The following ABTB2 variants were observed in gnomAD, a reference collection of about 807,000 sequenced individuals.
The protein encoded by ABTB2 is ankyrin repeat and BTB domain containing 2, also known as ankyrin repeat and BTB/POZ domain-containing protein 2.
ABTB2 carries 56 observed loss-of-function variants against 104.1 expected under a neutral mutation model. The ratio of observed to expected loss-of-function variants is 0.54; its 90% CI spans 0.43 to 0.67. The LOEUF is 0.67. Among genes scored for constraint, ABTB2 ranks in the 30% least tolerant of loss-of-function variants. ABTB2 has a pLI of 0.00. For synonymous variants in ABTB2, 606 were observed against 608.2 expected (o/e 1.00, Z 0.05); for missense variants, 1,279 against 1,407.7 (o/e 0.91, Z 1.46).
intron 8 of ABTB2, 25 bp from the exon 9 acceptor site, chr11:34,164,846 G>A: frequency 6.3e-7 from 1 of 1,581,114 alleles, no homozygotes; most frequent in Non-Finnish European, 8.5e-7. Flanking sequence ...GGGCAGCACG[G>A]AGGACACTGA....
chr11:34,315,106 C>G (rs767658838), intron 1 of ABTB2, among the ~76,000 whole-genome samples: 1 of 152,244 alleles, frequency 6.6e-6, no homozygotes, highest in Non-Finnish European at 1.5e-5. Context: ...GGCCTGCACT[C>G]GCGCGAGCCT....
intron 1 of ABTB2, among the ~76,000 whole-genome samples, chr11:34,268,417 G>C (rs1215440913): frequency 6.6e-6 from 1 of 152,242 alleles, no homozygotes; most frequent in Non-Finnish European, 1.5e-5. Flanking sequence ...CAGGACGGCT[G>C]ACATTTCCCA....
intron 1 of ABTB2, among the ~76,000 whole-genome samples, chr11:34,239,360 T>G (rs1853885934): frequency 6.6e-6 from 1 of 152,108 alleles, no homozygotes; most frequent in Non-Finnish European, 1.5e-5. Context: ...TATTTTTTTT[T>G]GGAGACAGGG....
intron 1 of ABTB2, among the ~76,000 whole-genome samples, chr11:34,250,317 T>G (rs1444048397): frequency 6.6e-6 from 1 of 152,178 alleles, no homozygotes; most frequent in Non-Finnish European, 1.5e-5. Flanking sequence ...AGTCCTCTAG[T>G]ACAACCAGAC....
chr11:34,302,738 C>T lies in ABTB2; in HGVS notation c.883+53963G>A, dbSNP rs536618472. On this transcript the variant is annotated intron_variant, in intron 1 of 16. Coordinates refer to ENST00000435224, the MANE Select transcript of ABTB2 (RefSeq NM_145804.3). ...CCTCACTCCCTCCAGACCACAACCT[C>T]TTTAGCGCTTGCGAGGGGTAGTAGG... is the stretch of plus-strand genomic sequence containing the variant. Among the ~76,000 whole-genome samples the T allele has an allele frequency of 2.4e-4, 37 of 152,320 alleles. No individual in the cohort carries two copies. In the South Asian group the frequency reaches 3.9e-3, roughly 16 times the overall value.
At chr11:34,211,799 G>A (rs11032554) in intron 1 of ABTB2, among the ~76,000 whole-genome samples, 1 of 148,210 alleles carries the variant, frequency 6.7e-6, no homozygotes, top group African/African-American at 2.5e-5. Context: ...TGAGGCAGGA[G>A]AATTGCTTGA....
At chr11:34,221,722 T>C (rs1853625915) in intron 1 of ABTB2, among the ~76,000 whole-genome samples, 1 of 152,126 alleles carries the variant, frequency 6.6e-6, no homozygotes, top group South Asian at 2.1e-4. Flanking sequence ...GTCTGTGGAG[T>C]CCCACTCACT....
rs1002131321 is a variant in ABTB2 at position 34,152,110 on chromosome 11, AC to A, written c.*276del. On this transcript the variant is annotated 3_prime_UTR_variant, in exon 17 of 17. Coordinates refer to ENST00000435224, the MANE Select transcript of ABTB2 (RefSeq NM_145804.3). ...CTGACCTGCAGGAGGGGAGAGCGAC[AC>A]CCCGGGGGAGTGCATGGCTGCCCTT... The A allele has an allele frequency of 2.9e-5, 13 of 451,332 alleles. No homozygotes were observed. The highest frequency in any genetic ancestry group is 2.4e-4 in the African/African-American group (12 of 50,428). The allele number at this position is 451,332 out of a possible 1,614,324, so 28.0% of individuals were successfully genotyped here.
chr11:34,236,572 A>G (rs537434562), intron 1 of ABTB2, among the ~76,000 whole-genome samples: 1 of 152,154 alleles, frequency 6.6e-6, no homozygotes, highest in East Asian at 1.9e-4. Context: ...TTCTCTTTTG[A>G]TGCCTCCCCG....
chr11:34,262,312 C>T (rs988496530), intron 1 of ABTB2, among the ~76,000 whole-genome samples: 1 of 152,136 alleles, frequency 6.6e-6, no homozygotes, highest in African/African-American at 2.4e-5. Flanking sequence ...GGCTTGGACT[C>T]TCATGATTTC....
At chr11:34,169,274 T>A (rs1487544242) in intron 5 of ABTB2, among the ~76,000 whole-genome samples, 1 of 152,122 alleles carries the variant, frequency 6.6e-6, no homozygotes, top group Non-Finnish European at 1.5e-5. Flanking sequence ...ACTCCAGACA[T>A]ATAAAGAGGC....
intron 3 of ABTB2, among the ~76,000 whole-genome samples, chr11:34,187,096 A>C (rs1360500255): frequency 6.6e-6 from 1 of 152,226 alleles, no homozygotes; most frequent in Non-Finnish European, 1.5e-5. Flanking sequence ...TGCTCGCTAT[A>C]AATGGGAATG....
chr11:34,349,486 T>A (rs760692574), intron 1 of ABTB2, among the ~76,000 whole-genome samples: 4 of 152,232 alleles, frequency 2.6e-5, no homozygotes, highest in Non-Finnish European at 5.9e-5. Flanking sequence ...TCCCTGAGAT[T>A]TGGGTCGTGA....
chr11:34,185,235 T>C (rs1317153143), intron 3 of ABTB2, among the ~76,000 whole-genome samples: 1 of 152,132 alleles, frequency 6.6e-6, no homozygotes, highest in African/African-American at 2.4e-5. Context: ...TGAAGCCTGA[T>C]ATGAGAGTGA....
intron 10 of ABTB2, 123 bp from the exon 11 acceptor site, chr11:34,161,204 G>T: frequency 1.1e-6 from 1 of 905,268 alleles, no homozygotes; most frequent in Non-Finnish European, 1.6e-6. Flanking sequence ...CACCCCGCCC[G>T]CCCCCTCCCG....
At chr11:34,288,856 G>A (rs7935569) in intron 1 of ABTB2, among the ~76,000 whole-genome samples, 81,903 of 151,982 alleles carry the variant, frequency 0.54, 22,702 homozygotes, top group Middle Eastern at 0.73. Flanking sequence ...TCCTCTGGAC[G>A]TTCCTGCATC....
At chr11:34,289,864 C>G (rs1186719809) in intron 1 of ABTB2, among the ~76,000 whole-genome samples, 2 of 152,190 alleles carry the variant, frequency 1.3e-5, no homozygotes, top group African/African-American at 4.8e-5. Context: ...CCAGAAACAA[C>G]CAGCTCCTGG....
At chr11:34,186,613 T>C (rs956116827) in intron 3 of ABTB2, among the ~76,000 whole-genome samples, 4 of 152,312 alleles carry the variant, frequency 2.6e-5, no homozygotes, top group African/African-American at 9.6e-5. Context: ...CCAGTCTTCT[T>C]TTCTGCGAGG....
At chr11:34,291,769 T>C (rs1854567078) in intron 1 of ABTB2, among the ~76,000 whole-genome samples, 2 of 152,220 alleles carry the variant, frequency 1.3e-5, no homozygotes, top group African/African-American at 4.8e-5. Flanking sequence ...GTGTTGGGAT[T>C]ACAGGCGTGA....
Sources: gnomAD v4.1 joint callset for allele counts (sites outside exome capture counted in the v4.1 genomes callset) on GRCh38, gnomAD v4.1.1 for gene constraint, MANE v1.5 for transcripts, NCBI Gene and HGNC (gene_info 2026-07-23, HGNC 2026-07-21) for gene names.